The following SLC35F3 variants were observed in gnomAD, a reference collection of about 807,000 sequenced individuals.
SLC35F3 encodes the protein solute carrier family 35 member F3, also known as putative thiamine transporter SLC35F3.
SLC35F3 carries 25 observed loss-of-function variants against 49.9 expected under a neutral mutation model. The ratio of observed to expected loss-of-function variants is 0.50; its 90% CI spans 0.37 to 0.70. The LOEUF is 0.70. SLC35F3 is among the 30% of genes least tolerant of loss of function. SLC35F3 has a pLI of 0.00. For missense variants in SLC35F3, 525 were observed against 639.8 expected (o/e 0.82, Z 1.94); for synonymous variants, 275 against 265.4 (o/e 1.04, Z -0.35).
intron 2 of SLC35F3, among the ~76,000 whole-genome samples, chr1:234,132,977 G>T (rs1360077909): frequency 6.6e-6 from 1 of 152,176 alleles, no homozygotes; most frequent in African/African-American, 2.4e-5. Context: ...CCTTGATGAG[G>T]TAAGCAACTA....
At position 234,179,233 on chromosome 1, in the gene SLC35F3, C is replaced by T. The variant is rs141991893; in HGVS notation, c.284-52184C>T. ...TGAACAGAGAATTTTAGGGAATGTT[C>T]CAATTTGGCTGAAGGTCCATCTTCT... On this transcript the variant is annotated intron_variant, in intron 2 of 7. Transcript: ENST00000366618. Among the ~76,000 whole-genome samples the T allele has an allele frequency of 3.4e-3, 516 of 152,196 alleles. 1 individual carries two copies. The highest frequency in any genetic ancestry group is 0.014 in the Middle Eastern group (4 of 294).
At chr1:234,267,637 A>T (rs1406283348) in intron 3 of SLC35F3, among the ~76,000 whole-genome samples, 2 of 133,866 alleles carry the variant, frequency 1.5e-5, no homozygotes, top group African/African-American at 6.0e-5. Flanking sequence ...CGGGGGGCTG[A>T]CCCCCCCACC....
intron 2 of SLC35F3, among the ~76,000 whole-genome samples, chr1:234,045,896 A>C (rs1664284261): frequency 1.3e-5 from 2 of 152,154 alleles, no homozygotes; most frequent in African/African-American, 4.8e-5. Context: ...TATAAGTGCC[A>C]CAAAACTGGA....
rs183204105 is a variant in SLC35F3, at chr1:234,155,970, A to T, written c.284-75447A>T. ...TACTGATAAATATATCTGTCTAAAAACTTGAACTTCTATTTGGTGAGGAAT... is the reference window on the plus strand; with the variant it reads ...TACTGATAAATATATCTGTCTAAAATCTTGAACTTCTATTTGGTGAGGAAT... On this transcript the variant is annotated intron_variant, in intron 2 of 7. Transcript: ENST00000366618. Among the ~76,000 whole-genome samples the T allele has an allele frequency of 9.7e-3, 1,480 of 152,250 alleles. 19 individuals are homozygous for T. Among genetic ancestry groups the T allele is most frequent in the African/African-American group, 0.029 (1,220 of 41,562 alleles).
intron 2 of SLC35F3, among the ~76,000 whole-genome samples, chr1:234,113,902 A>C (rs2102889235): frequency 6.6e-6 from 1 of 152,312 alleles, no homozygotes; most frequent in East Asian, 1.9e-4. Flanking sequence ...GTGACACGTA[A>C]GAGATTTCTC....
chr1:234,187,964 C>T (rs1161529115), intron 2 of SLC35F3, among the ~76,000 whole-genome samples: 1 of 152,130 alleles, frequency 6.6e-6, no homozygotes, highest in Non-Finnish European at 1.5e-5. Flanking sequence ...AGGCCAGGCG[C>T]GGTTTCTCAA....
At position 234,100,341 on chromosome 1, in the gene SLC35F3, C is replaced by G. The variant is rs756302117; in HGVS notation, c.284-131076C>G. 1.8e-4 allele frequency among the ~76,000 whole-genome samples: 28 copies of G among 152,256 alleles called. 1 individual carries two copies. The highest frequency in any genetic ancestry group is 3.5e-4 in the Non-Finnish European group (24 of 68,030). ...CCCTCAGGCTTTGCTACAATATTTC[C>G]AATAACAGTTATATTATTATTTAGA... On this transcript the variant is annotated intron_variant, in intron 2 of 7. Coordinates refer to ENST00000366618, the MANE Select transcript of SLC35F3 (RefSeq NM_173508.4).
chr1:233,965,168 AG>A (rs553826976), intron 2 of SLC35F3, among the ~76,000 whole-genome samples: 36 of 152,304 alleles, frequency 2.4e-4, no homozygotes, highest in Non-Finnish European at 5.0e-4. Flanking sequence ...CAATTCTCTA[AG>A]GGTTGAAGTT....
At chr1:234,142,717 C>A (rs74585989) in intron 2 of SLC35F3, among the ~76,000 whole-genome samples, 2,145 of 151,916 alleles carry the variant, frequency 0.014, 20 homozygotes, top group Middle Eastern at 0.031. Flanking sequence ...GGAGGTCTTA[C>A]AAATCCAATG....
At chr1:234,151,651 C>T (rs534329771) in intron 2 of SLC35F3, among the ~76,000 whole-genome samples, 100 of 151,986 alleles carry the variant, frequency 6.6e-4, no homozygotes, top group African/African-American at 2.3e-3. Context: ...AGCATATAAA[C>T]GTAGCGTCGT....
intron 3 of SLC35F3, among the ~76,000 whole-genome samples, chr1:234,291,363 C>T (rs1362721704): frequency 6.6e-6 from 1 of 152,216 alleles, no homozygotes; most frequent in African/African-American, 2.4e-5. Context: ...GGTCCCCAGA[C>T]CACATGGTGA....
At chr1:234,069,121 G>A (rs1235722633) in intron 2 of SLC35F3, among the ~76,000 whole-genome samples, 1 of 116,172 alleles carries the variant, frequency 8.6e-6, no homozygotes, top group Non-Finnish European at 1.7e-5. Flanking sequence ...GTATATTTTT[G>A]TATATAAAAT....
At chr1:234,246,173 G>T (rs184751985) in intron 3 of SLC35F3, among the ~76,000 whole-genome samples, 3 of 152,344 alleles carry the variant, frequency 2.0e-5, no homozygotes, top group African/African-American at 7.2e-5. Context: ...AGGAAAGGCT[G>T]CCAGTGGCAG....
Position 234,235,026 on chromosome 1 carries a change from G to A in SLC35F3, c.608+3285G>A, listed in dbSNP as rs138338817. ...AAACTACGAGAGTGCCAACCCCTAT[G>A]CTGCATGCAAGTGTCAGTCCTGAAG... On this transcript the variant is annotated intron_variant, in intron 3 of 7. Coordinates refer to ENST00000366618, the MANE Select transcript of SLC35F3 (RefSeq NM_173508.4). Among the ~76,000 whole-genome samples the A allele has an allele frequency of 4.0e-3, 605 of 152,290 alleles. 4 individuals carry two copies. Among genetic ancestry groups the A allele is most frequent in the Non-Finnish European group, 7.3e-3 (495 of 68,020 alleles).
chr1:234,086,672 A>C (rs919371788), intron 2 of SLC35F3, among the ~76,000 whole-genome samples: 1 of 152,206 alleles, frequency 6.6e-6, no homozygotes, highest in African/African-American at 2.4e-5. Flanking sequence ...GTAGATAATT[A>C]AAGATTTATT....
chr1:234,292,766 C>A (rs1292542377), intron 3 of SLC35F3, among the ~76,000 whole-genome samples: 4 of 152,208 alleles, frequency 2.6e-5, no homozygotes, highest in Admixed American at 1.3e-4. Context: ...AGAGAGGAAG[C>A]ATAGTGCAGG....
In SLC35F3 at chr1:234,219,586, A is replaced by G. The variant is rs555000988; in HGVS notation, c.284-11831A>G. Among the ~76,000 whole-genome samples, 54 of 152,334 alleles carry G rather than the reference A, an allele frequency of 3.5e-4. No homozygotes were observed. In the South Asian group the frequency reaches 7.3e-3, roughly 20 times the overall value. The stretch of plus-strand genomic sequence containing the variant: ...GCTGAAATGTAATGTTTTTGATTCT[A>G]TGGAAGAAGTATAAAGTAAATGTTG... On this transcript the variant is annotated intron_variant, in intron 2 of 7. Coordinates refer to ENST00000366618, the MANE Select transcript of SLC35F3 (RefSeq NM_173508.4).
chr1:234,175,298 C>A (rs777437651), intron 2 of SLC35F3, among the ~76,000 whole-genome samples: 1 of 152,186 alleles, frequency 6.6e-6, no homozygotes, highest in Admixed American at 6.5e-5. Flanking sequence ...TTTCTTCTCT[C>A]GCATTGTCCA....
intron 2 of SLC35F3, among the ~76,000 whole-genome samples, chr1:234,088,675 T>G (rs1434376659): frequency 6.6e-6 from 1 of 152,240 alleles, no homozygotes; most frequent in South Asian, 2.1e-4. Flanking sequence ...ATTTTGTATG[T>G]TGTGGGGGCT....
Sources: allele counts gnomAD v4.1 joint callset (sites outside exome capture counted in the v4.1 genomes callset), GRCh38; gene constraint gnomAD v4.1.1; transcripts MANE v1.5; gene names NCBI Gene and HGNC (gene_info 2026-07-23, HGNC 2026-07-21).